Variants in CRTC3 observed in about 807,000 individuals in gnomAD.
CRTC3 encodes the protein CREB-regulated transcription coactivator 3.
CRTC3 carries 26 observed loss-of-function variants against 74.5 expected under a neutral mutation model. The ratio of observed to expected loss-of-function variants is 0.35; its 90% CI spans 0.26 to 0.48. CRTC3 has a LOEUF of 0.48. CRTC3 is among the 20% of genes least tolerant of loss of function. CRTC3 has a pLI of 0.99. For synonymous variants in CRTC3, 377 were observed against 325.8 expected, an observed-to-expected ratio of 1.16 and a Z score of -1.69; for missense variants, 760 against 787.3, an observed-to-expected ratio of 0.97 and a Z score of 0.41.
rs956176201 is a variant in CRTC3, at chr15:90,644,177, C to G, written c.*2037C>G. ...AGGGCCTGCTGGCCTGCCCTGTTCC[C>G]AGTTACACTTTCAGATCCCTTTGTG... On this transcript the variant is annotated 3_prime_UTR_variant, in exon 15 of 15. Coordinates refer to ENST00000268184, the MANE Select transcript of CRTC3 (RefSeq NM_022769.5). 2 of 227,898 alleles carry G rather than the reference C, an allele frequency of 8.8e-6. No homozygotes were observed. Among genetic ancestry groups the G allele is most frequent in the African/African-American group, 4.4e-5 (2 of 44,998 alleles). 14.1% of individuals were successfully genotyped at this position (227,898 alleles called of 1,614,324 possible).
chr15:90,544,088 A>G lies in CRTC3; in HGVS notation c.231+3951A>G, dbSNP rs974994288. On this transcript the variant is annotated intron_variant, in intron 2 of 14. Transcript: ENST00000268184. ...CAGAAATTTATTTTCTCATGTTCTCATGTTCTGAGTCCAGAAGTTGGAAAT... is the reference window on the plus strand; with the variant it reads ...CAGAAATTTATTTTCTCATGTTCTCGTGTTCTGAGTCCAGAAGTTGGAAAT... Among the ~76,000 whole-genome samples, 9 of 152,136 alleles carry G rather than the reference A, an allele frequency of 5.9e-5. No individual in the cohort carries two copies. In the South Asian group the frequency reaches 1.9e-3, roughly 32 times the overall value.
At chr15:90,599,625 G>T (rs564168862) in intron 3 of CRTC3, 1 of 152,066 alleles carries the variant, frequency 6.6e-6, no homozygotes, top group Non-Finnish European at 1.5e-5. Context: ...GAGCTCAGAG[G>T]TCACATCTTT....
intron 10 of CRTC3, among the ~76,000 whole-genome samples, chr15:90,628,071 A>T (rs1968903644): frequency 6.6e-6 from 1 of 150,984 alleles, no homozygotes; most frequent in Non-Finnish European, 1.5e-5. Context: ...CAAAAAATTA[A>T]CCAGGCGTGG....
In CRTC3 at chr15:90,617,894, C is replaced by A. The variant is rs773086130; in HGVS notation, c.625C>A (p.Pro209Thr). 6.2e-7 allele frequency: 1 copy of A among 1,611,154 alleles called. No homozygotes were observed. The highest frequency in any genetic ancestry group is 8.5e-7 in the Non-Finnish European group (1 of 1,177,652). Reference protein sequence around the residue: ...NNGHGEVASFPGPLKEENLLN... With the variant: ...NNGHGEVASFTGPLKEENLLN... Reference sequence around the variant, plus strand: ...TTTTTTCCCTTTAGTAGCATCTTTCCCTGGCCCATTGAAAGAAGAGAATCT... The same window carrying A: ...TTTTTTCCCTTTAGTAGCATCTTTCACTGGCCCATTGAAAGAAGAGAATCT... Residue 209 changes from proline to threonine, a missense_variant, in exon 8 of 15, where the codon CCT (proline) becomes ACT (threonine). Physicochemically the swap from Pro to Thr is conservative, Grantham distance 38 (BLOSUM62 -1). Transcript: ENST00000268184.
At chr15:90,533,594 TCTTA>T (rs1203647695) in intron 1 of CRTC3, among the ~76,000 whole-genome samples, 1 of 152,134 alleles carries the variant, frequency 6.6e-6, no homozygotes, top group African/African-American at 2.4e-5. Flanking sequence ...CCTTTAAAGA[TCTTA>T]CTGATTTGTT....
intron 10 of CRTC3, among the ~76,000 whole-genome samples, chr15:90,628,752 C>G (rs566850380): frequency 1.3e-5 from 2 of 151,942 alleles, no homozygotes; most frequent in Non-Finnish European, 2.9e-5. Context: ...CCCTAGTGTG[C>G]TAAGGGTAAT....
rs2151099162 is a variant in CRTC3, at chr15:90,641,197, C to A, written c.1649C>A (p.Pro550Gln). Residue 550 changes from proline (P) to glutamine (Q), a missense_variant and splice_region_variant, in exon 14 of 15, where the codon CCA becomes CAA. By Grantham distance (76) the Pro-to-Gln change is moderately conservative. This residue lies in a region of CRTC3 where 652 missense variants were observed against 635.2 expected (regional missense o/e 1.03). Coordinates refer to ENST00000268184, the MANE Select transcript of CRTC3 (RefSeq NM_022769.5). ...NCGSLPNTIL[P>Q]EDSSTSLFKD... Reference sequence around the variant, plus strand: ...GGGAGTCTCCCGAACACCATCCTGCCAGGTGAGCGAGCTATCCCTCAGCTT... The same window carrying A: ...GGGAGTCTCCCGAACACCATCCTGCAAGGTGAGCGAGCTATCCCTCAGCTT... 6.2e-7 allele frequency: 1 copy of A among 1,605,006 alleles called. No individual in the cohort carries two copies. Among genetic ancestry groups the A allele is most frequent in the East Asian group, 2.2e-5 (1 of 44,842 alleles).
At position 90,613,185 on chromosome 15, in the gene CRTC3, GAAAA is replaced by G. The variant is rs34111646; in HGVS notation, c.578-1247_578-1244del. On this transcript the variant is annotated intron_variant, in intron 6 of 14. Coordinates refer to ENST00000268184, the MANE Select transcript of CRTC3 (RefSeq NM_022769.5). ...GCAACAAAGTGAGACTCTGTCTCGG[GAAAA>G]AAAAAAAAAAAAAAAAAAAATGTAG... Among the ~76,000 whole-genome samples the G allele has an allele frequency of 0.039, 4,441 of 114,150 alleles. 437 individuals carry two copies. The East Asian group carries it at 0.42, about 11-fold the overall frequency. 74.9% of individuals were successfully genotyped at this position (114,150 alleles called of 152,430 possible). A position where few individuals can be genotyped will look rare whatever the true frequency, so the allele number is the denominator to read the frequency against.
intron 9 of CRTC3, among the ~76,000 whole-genome samples, chr15:90,624,262 T>G (rs8041597): frequency 0.26 from 40,189 of 151,796 alleles, 6,454 homozygotes; most frequent in African/African-American, 0.46. Context: ...TCTTTTCCTA[T>G]ATCACCCCTG....
intron 11 of CRTC3, chr15:90,634,581 T>C: frequency 9.5e-6 from 4 of 423,204 alleles, no homozygotes; most frequent in East Asian, 4.2e-5. Flanking sequence ...GTGTCTGCTC[T>C]GGCCTCTGAC....
Position 90,536,769 on chromosome 15 carries a change from G to A in CRTC3, c.133-3270G>A, listed in dbSNP as rs149756518. Among the ~76,000 whole-genome samples, 1,123 of 152,298 alleles carry A rather than the reference G, an allele frequency of 7.4e-3. 9 individuals are homozygous for A. Among genetic ancestry groups the A allele is most frequent in the Non-Finnish European group, 0.012 (825 of 68,022 alleles). ...AAATGAATGGAGGGGCCAGGAATGA[G>A]ATGATCATGGCAGCTGATCCTGGGC... On this transcript the variant is annotated intron_variant, in intron 1 of 14. Coordinates refer to ENST00000268184, the MANE Select transcript of CRTC3 (RefSeq NM_022769.5).
At chr15:90,554,466 G>T (rs1334846983) in intron 2 of CRTC3, among the ~76,000 whole-genome samples, 3 of 152,148 alleles carry the variant, frequency 2.0e-5, no homozygotes, top group African/African-American at 7.2e-5. Context: ...GCCTCCCAAA[G>T]TGCTGGGATT....
At position 90,644,373 on chromosome 15, in the gene CRTC3, A is replaced by C. The variant is rs916587864; in HGVS notation, c.*2233A>C. Reference sequence around the variant, plus strand: ...TTCAAGAATTGTGTTTTTATAAAACAGAGGTCTCAGCATAGTCACTCTTCA... The same window carrying C: ...TTCAAGAATTGTGTTTTTATAAAACCGAGGTCTCAGCATAGTCACTCTTCA... On this transcript the variant is annotated 3_prime_UTR_variant, in exon 15 of 15. Transcript: ENST00000268184. 1.7e-5 allele frequency: 4 copies of C among 230,470 alleles called. No homozygotes were observed. The highest frequency in any genetic ancestry group is 4.4e-5 in the African/African-American group (2 of 45,168). 14.3% of individuals were successfully genotyped at this position (230,470 alleles called of 1,614,324 possible).
chr15:90,537,294 A>G (rs536262008), intron 1 of CRTC3, among the ~76,000 whole-genome samples: 2 of 152,322 alleles, frequency 1.3e-5, no homozygotes, highest in Non-Finnish European at 1.5e-5. Context: ...GTGTCATTTA[A>G]TCCTCACTTT....
Position 90,629,405 on chromosome 15 carries a change from G to A in CRTC3, c.1139G>A (p.Ser380Asn), listed in dbSNP as rs1968956022. 3 of 1,613,860 alleles carry A rather than the reference G, an allele frequency of 1.9e-6. No individual in the cohort carries two copies. The South Asian group carries it at 3.3e-5, about 18-fold the overall frequency. Residue 380 changes from serine (S) to asparagine (N), a missense_variant, in exon 11 of 15, where the codon AGC (serine) becomes AAC (asparagine). Around this residue, in one of 2 missense-constraint regions of CRTC3, gnomAD observed 652 missense variants for 635.2 expected, o/e 1.03. Coordinates refer to ENST00000268184, the MANE Select transcript of CRTC3 (RefSeq NM_022769.5). ...SNPSLSTTNLSGPSRRRQPPV... is the reference protein window; with the variant it reads ...SNPSLSTTNLNGPSRRRQPPV... Reference sequence around the variant, plus strand: ...CCATCTCTTTCCACCACAAACCTGAGCGGCCCGTCTCGGCGTCGGCAGCCT... The same window carrying A: ...CCATCTCTTTCCACCACAAACCTGAACGGCCCGTCTCGGCGTCGGCAGCCT...
At chr15:90,626,122 G>T in intron 10 of CRTC3, 129 bp downstream of exon 10, 2 of 760,210 alleles carry the variant, frequency 2.6e-6, no homozygotes, top group South Asian at 3.1e-5. Context: ...GTACCTTCTT[G>T]TATCTCCTGA....
Position 90,602,382 on chromosome 15 carries a change from C to A in CRTC3, c.410C>A (p.Pro137Gln). ...TCACAGCCTCTGGATGAGAGTTGGCCAAGGTAAGCAAGACATACTTTAAAA... is the reference window on the plus strand; with the variant it reads ...TCACAGCCTCTGGATGAGAGTTGGCAAAGGTAAGCAAGACATACTTTAAAA... ...YSSQPLDESWPRQQPPWKDEK... is the reference protein window; with the variant it reads ...YSSQPLDESWQRQQPPWKDEK... The change falls in exon 4 of 15, where the codon CCA becomes CAA. Residue 137 changes from proline (P) to glutamine (Q), a missense_variant. Physicochemically the swap from Pro to Gln is moderately conservative, Grantham distance 76. Coordinates refer to ENST00000268184, the MANE Select transcript of CRTC3 (RefSeq NM_022769.5). The A allele has an allele frequency of 6.4e-7, 1 of 1,559,066 alleles. No individual in the cohort carries two copies. Among genetic ancestry groups the A allele is most frequent in the Non-Finnish European group, 8.8e-7 (1 of 1,131,022 alleles).
At chr15:90,632,633 C>G (rs999384383) in intron 11 of CRTC3, among the ~76,000 whole-genome samples, 1 of 152,062 alleles carries the variant, frequency 6.6e-6, no homozygotes, top group Non-Finnish European at 1.5e-5. Flanking sequence ...GAGACAGAGT[C>G]TTGCTCTGTC....
At chr15:90,641,876 C>T (rs1969457582) in intron 14 of CRTC3, 56 bp from the exon 15 acceptor site, 1 of 1,510,206 alleles carries the variant, frequency 6.6e-7, no homozygotes, top group Non-Finnish European at 9.2e-7. Flanking sequence ...GCTTAGTAGC[C>T]TGGAGCCTTC....
Sources: gnomAD v4.1 joint callset for allele counts (sites outside exome capture counted in the v4.1 genomes callset) on GRCh38, gnomAD v4.1.1 for gene constraint, gnomAD v4.1.1 regional missense constraint, MANE v1.5 for transcripts, NCBI Gene and HGNC (gene_info 2026-07-23, HGNC 2026-07-21) for gene names.